Variants in COL9A1 observed in about 807,000 individuals in gnomAD.
COL9A1 encodes the protein collagen type IX alpha 1 chain.
COL9A1 carries 104 observed loss-of-function variants against 142.6 expected under a neutral mutation model. The ratio of observed to expected loss-of-function variants is 0.73; its 90% confidence interval spans 0.62 to 0.86. The LOEUF (loss-of-function observed/expected upper bound fraction) is 0.86. Among genes scored for constraint, COL9A1 ranks in the 40% least tolerant of loss-of-function variants. The pLI is 0.00. For missense variants in COL9A1, 1,210 were observed against 1,176.6 expected (o/e 1.03, Z -0.42); for synonymous variants, 466 against 396.0 (o/e 1.18, Z -2.10).
chr6:70,263,283 G>A lies in COL9A1; in HGVS notation c.1356C>T (p.Asp452=). The A allele has an allele frequency of 6.2e-7, 1 of 1,608,818 alleles. No individual in the cohort carries two copies. Among genetic ancestry groups the A allele is most frequent in the Non-Finnish European group, 8.5e-7 (1 of 1,177,368 alleles). The change falls in exon 19 of 38, where the codon GAC becomes GAT. Residue 452 remains aspartate, a synonymous_variant. Coordinates refer to ENST00000357250, the MANE Select transcript of COL9A1 (RefSeq NM_001851.6). ...GRQGHKGEEG[D]QGELGEVGAQ... is the part of the protein sequence containing the mutation. ...CTCCAACTTCTCCGAGTTCTCCCTG[G>A]TCACCTTCTTCACCCTAAAGAAAAA...
chr6:70,244,052 G>A (rs1390321677), intron 28 of COL9A1, among the ~76,000 whole-genome samples: 1 of 152,134 alleles, frequency 6.6e-6, no homozygotes, highest in Non-Finnish European at 1.5e-5. Context: ...TTAACAAAGT[G>A]TAAAGATCCA....
At position 70,294,168 on chromosome 6, in the gene COL9A1, G is replaced by A; in HGVS notation, c.695C>T (p.Pro232Leu). 6.2e-7 allele frequency: 1 copy of A among 1,613,936 alleles called. No individual in the cohort carries two copies. Among genetic ancestry groups the A allele is most frequent in the Middle Eastern group, 1.6e-4 (1 of 6,062 alleles). Residue 232 changes from proline (P) to leucine (L), a missense_variant and splice_region_variant, in exon 5 of 38, where the codon CCA (proline) becomes CTA (leucine). Coordinates refer to ENST00000357250, the MANE Select transcript of COL9A1 (RefSeq NM_001851.6). ...KLADNPQVSV[P>L]FELQWMLIHC... ...CATAGTGTGTGGTTTTATACTTACTGGAACAGAAACTTGAGGATTATCTGC... is the reference window on the plus strand; with the variant it reads ...CATAGTGTGTGGTTTTATACTTACTAGAACAGAAACTTGAGGATTATCTGC...
In COL9A1 at chr6:70,302,984, G is replaced by A; in HGVS notation, c.-60C>T. On this transcript the variant is annotated 5_prime_UTR_variant, in exon 1 of 38. Transcript: ENST00000357250. ...CCTATGAAGAAGGGGTTGGAAGGGA[G>A]TCACTGTCCCCTCACGACCCCTTCA... 1 of 1,560,686 alleles carries A rather than the reference G, an allele frequency of 6.4e-7. No individual in the cohort carries two copies. Among genetic ancestry groups the A allele is most frequent in the Non-Finnish European group, 8.8e-7 (1 of 1,131,412 alleles).
chr6:70,299,833 T>C (rs1773990129), intron 4 of COL9A1, among the ~76,000 whole-genome samples: 1 of 152,154 alleles, frequency 6.6e-6, no homozygotes, highest in Admixed American at 6.5e-5. Flanking sequence ...CAGTGATGCT[T>C]TTTCCTGGAA....
intron 36 of COL9A1, among the ~76,000 whole-genome samples, chr6:70,231,943 C>T (rs1301270339): frequency 6.6e-6 from 1 of 152,084 alleles, no homozygotes. Context: ...GTACCTAACA[C>T]ACTCATAGCC....
rs1041435986 is a variant in COL9A1, at chr6:70,257,053, T to A, written c.1450-232A>T. ...ATCTTTGATGCCACTCTGTAATTTT[T>A]TTTTTTTTTTTTTTTTTTTTTTTGT... On this transcript the variant is annotated intron_variant, in intron 20 of 37. Coordinates refer to ENST00000357250, the MANE Select transcript of COL9A1 (RefSeq NM_001851.6). 4.1e-3 allele frequency among the ~76,000 whole-genome samples: 291 copies of A among 70,474 alleles called. 3 individuals are homozygous for A. The highest frequency in any genetic ancestry group is 8.7e-3 in the African/African-American group (187 of 21,436). The allele number at this position is 70,474 out of a possible 152,430, so 46.2% of individuals were successfully genotyped here.
intron 10 of COL9A1, among the ~76,000 whole-genome samples, chr6:70,275,936 T>C (rs778726256): frequency 1.3e-5 from 2 of 152,156 alleles, no homozygotes; most frequent in Non-Finnish European, 2.9e-5. Flanking sequence ...TAAACATCCA[T>C]AAAATTCCTT....
At chr6:70,280,959 G>A (rs555250968) in intron 9 of COL9A1, 45 bp downstream of exon 9, 2 of 1,612,980 alleles carry the variant, frequency 1.2e-6, no homozygotes, top group African/African-American at 1.3e-5. Context: ...TGCAAAACAC[G>A]TCTAAAGGAA....
At position 70,255,380 on chromosome 6, in the gene COL9A1, C is replaced by T. The variant is rs1771214791; in HGVS notation, c.1514G>A (p.Gly505Glu). ...TGCTTCTCCTGGAGGTCCTCGCTGT[C>T]CTTGATCACCCTGTATGAAAATAAA... ...QGLPGAPGDQ[G>E]QRGPPGEAGP... The change falls in exon 22 of 38, where the codon GGA becomes GAA. Residue 505 changes from glycine to glutamate, a missense_variant. By Grantham distance (98) the Gly-to-Glu change is moderately conservative. Coordinates refer to ENST00000357250, the MANE Select transcript of COL9A1 (RefSeq NM_001851.6). 1.9e-6 allele frequency: 3 copies of T among 1,614,096 alleles called. No homozygotes were observed. The East Asian group carries it at 6.7e-5, about 36-fold the overall frequency.
At position 70,294,258 on chromosome 6, in the gene COL9A1, T is replaced by C; in HGVS notation, c.605A>G (p.Glu202Gly). Residue 202 changes from glutamate (E) to glycine (G), a missense_variant, in exon 5 of 38, where the codon GAA becomes GGA. Physicochemically the swap from Glu to Gly is moderately conservative, Grantham distance 98. Transcript: ENST00000357250. ...ATLFVDCNRI[E>G]SLPIKPRGPI... Reference sequence around the variant, plus strand: ...GCCTCTTGGCTTTATAGGTAAAGATTCAATCCTGTTGCAGTCAACAAAAAG... The same window carrying C: ...GCCTCTTGGCTTTATAGGTAAAGATCCAATCCTGTTGCAGTCAACAAAAAG... 2 of 1,614,084 alleles carry C rather than the reference T, an allele frequency of 1.2e-6. No individual in the cohort carries two copies. Among genetic ancestry groups the C allele is most frequent in the Non-Finnish European group, 1.7e-6 (2 of 1,179,976 alleles).
At chr6:70,273,904 A>G in intron 12 of COL9A1, 143 bp downstream of exon 12, 1 of 371,988 alleles carries the variant, frequency 2.7e-6, no homozygotes, top group Non-Finnish European at 4.5e-6. Context: ...TATATTATGC[A>G]GAAAACTGCA....
chr6:70,240,363 T>G (rs1770169554), intron 32 of COL9A1, among the ~76,000 whole-genome samples: 1 of 152,126 alleles, frequency 6.6e-6, no homozygotes, highest in African/African-American at 2.4e-5. Context: ...AAGAATCACC[T>G]TGAATGTCTA....
chr6:70,290,579 G>A (rs965049886), intron 5 of COL9A1, among the ~76,000 whole-genome samples: 3 of 152,038 alleles, frequency 2.0e-5, no homozygotes, highest in African/African-American at 7.2e-5. Flanking sequence ...GAAAAGGAAA[G>A]GGGATGAAAG....
rs547666229 is a variant in COL9A1 at position 70,302,914 on chromosome 6, C to T, written c.11G>A (p.Cys4Tyr). 23 of 1,614,126 alleles carry T rather than the reference C, an allele frequency of 1.4e-5. No homozygotes were observed. In the African/African-American group the frequency reaches 2.4e-4, roughly 17 times the overall value. Residue 4 changes from cysteine to tyrosine, a missense_variant, in exon 1 of 38, where the codon TGC (cysteine) becomes TAC (tyrosine). Cys to Tyr is a radical substitution (Grantham distance 194). Transcript: ENST00000357250. MKTCWKIPVFFFVC... is the reference protein window; with the variant it reads MKTYWKIPVFFFVC... The stretch of plus-strand genomic sequence containing the variant: ...CTTTCCAGGGTTATTGTCTTACCAG[C>T]AGGTCTTCATTTTCCCAGTTGATTT...
At chr6:70,283,897 C>A (rs571681800) in intron 5 of COL9A1, 77 bp from the exon 6 acceptor site, 27 of 995,596 alleles carry the variant, frequency 2.7e-5, no homozygotes, top group Non-Finnish European at 3.4e-5. Flanking sequence ...AGATGAGTTG[C>A]GTCTAATTGT....
chr6:70,267,773 C>T (rs1214205361), intron 17 of COL9A1, among the ~76,000 whole-genome samples: 3 of 152,172 alleles, frequency 2.0e-5, no homozygotes, highest in Admixed American at 2.0e-4. Context: ...GTGAGACAAG[C>T]GTTCCAAAAT....
At chr6:70,291,088 T>C (rs543488502) in intron 5 of COL9A1, among the ~76,000 whole-genome samples, 1 of 152,190 alleles carries the variant, frequency 6.6e-6, no homozygotes, top group Admixed American at 6.5e-5. Context: ...CAACTTCAGA[T>C]TTCAACCAAA....
At chr6:70,281,927 C>T (rs677152) in intron 7 of COL9A1, among the ~76,000 whole-genome samples, 69,701 of 151,926 alleles carry the variant, frequency 0.46, 17,171 homozygotes, top group East Asian at 0.95. Context: ...AATGGGGAGG[C>T]GGGGCGTACA....
intron 37 of COL9A1, among the ~76,000 whole-genome samples, chr6:70,223,839 G>A (rs1041735228): frequency 2.0e-5 from 3 of 152,200 alleles, no homozygotes; most frequent in African/African-American, 4.8e-5. Context: ...TCCAAAAAAG[G>A]AAGGTTACCG....
Sources: allele counts gnomAD v4.1 joint callset (sites outside exome capture counted in the v4.1 genomes callset), GRCh38; gene constraint gnomAD v4.1.1; transcripts MANE v1.5; gene names NCBI Gene and HGNC (gene_info 2026-07-23, HGNC 2026-07-21).